Variants in DPYD observed in about 807,000 individuals in gnomAD.
DPYD encodes dihydropyrimidine dehydrogenase, also known as dihydropyrimidine dehydrogenase [NADP(+)].
DPYD carries 109 observed loss-of-function variants against 116.2 expected under a neutral mutation model. That is an observed-to-expected ratio of 0.94 (90% confidence interval 0.80 to 1.10). The LOEUF is 1.10. Among genes scored for constraint, DPYD ranks in the 50% least tolerant of loss-of-function variants. The probability of loss-of-function intolerance (pLI) is 0.00; values close to 1 mark genes in which losing one functional copy is unlikely to be tolerated. For missense variants in DPYD, 1,302 were observed against 1,254.5 expected (o/e 1.04, Z -0.57); for synonymous variants, 440 against 432.0 (o/e 1.02, Z -0.23).
chr1:97,752,311 C>T (rs1230856833), intron 3 of DPYD, among the ~76,000 whole-genome samples: 1 of 151,824 alleles, frequency 6.6e-6, no homozygotes, highest in East Asian at 1.9e-4. Context: ...CACACACACA[C>T]ACACACACAC....
chr1:97,570,955 G>T (rs368032240), intron 11 of DPYD, among the ~76,000 whole-genome samples: 1 of 151,836 alleles, frequency 6.6e-6, no homozygotes, highest in Non-Finnish European at 1.5e-5. Flanking sequence ...GGTCTTCTGC[G>T]AAATGGGGAG....
intron 14 of DPYD, among the ~76,000 whole-genome samples, chr1:97,412,312 C>A (rs1042731926): frequency 6.6e-6 from 1 of 152,124 alleles, no homozygotes; most frequent in Non-Finnish European, 1.5e-5. Context: ...GCCTTTTTCT[C>A]ATTGTTCATA....
intron 3 of DPYD, among the ~76,000 whole-genome samples, chr1:97,755,816 T>A (rs1665195474): frequency 6.6e-6 from 1 of 152,134 alleles, no homozygotes; most frequent in Non-Finnish European, 1.5e-5. Context: ...ATAGGGAGGA[T>A]TAAATAAATA....
intron 20 of DPYD, among the ~76,000 whole-genome samples, chr1:97,140,480 C>G (rs1654131165): frequency 6.6e-6 from 1 of 152,064 alleles, no homozygotes; most frequent in Non-Finnish European, 1.5e-5. Context: ...ACAGAGGTAT[C>G]CTTTAAGAAA....
chr1:97,095,442 G>C (rs916601697), intron 21 of DPYD, among the ~76,000 whole-genome samples: 4 of 151,934 alleles, frequency 2.6e-5, no homozygotes, highest in Admixed American at 1.3e-4. Flanking sequence ...TGATACTTTA[G>C]AGCCAAACAA....
chr1:97,623,231 TC>T (rs142805626), intron 8 of DPYD, among the ~76,000 whole-genome samples: 1 of 151,688 alleles, frequency 6.6e-6, no homozygotes, highest in African/African-American at 2.4e-5. Flanking sequence ...CTGAGGGGTG[TC>T]CCCCACAAAA....
chr1:97,612,863 T>G (rs944985353), intron 8 of DPYD, among the ~76,000 whole-genome samples: 3 of 152,018 alleles, frequency 2.0e-5, no homozygotes, highest in African/African-American at 7.2e-5. Flanking sequence ...GAGCATGTGC[T>G]TCTCTGAAAT....
chr1:97,736,259 G>A (rs1237014448), intron 4 of DPYD, among the ~76,000 whole-genome samples: 1 of 151,720 alleles, frequency 6.6e-6, no homozygotes, highest in Admixed American at 6.6e-5. Context: ...ATGATAAAAG[G>A]CCCCAAAATG....
At chr1:97,824,268 C>A (rs1335782112) in intron 3 of DPYD, among the ~76,000 whole-genome samples, 1 of 151,992 alleles carries the variant, frequency 6.6e-6, no homozygotes, top group Non-Finnish European at 1.5e-5. Context: ...ATGGATCTAC[C>A]TTTTACTATT....
intron 11 of DPYD, among the ~76,000 whole-genome samples, chr1:97,569,318 A>G (rs1652738975): frequency 6.6e-6 from 1 of 151,660 alleles, no homozygotes; most frequent in Admixed American, 6.6e-5. Flanking sequence ...AACAAACAAG[A>G]AGAAACACAA....
intron 20 of DPYD, among the ~76,000 whole-genome samples, chr1:97,156,537 C>A (rs4309030): frequency 0.18 from 27,143 of 152,054 alleles, 2,473 homozygotes; most frequent in East Asian, 0.29. Flanking sequence ...CACTGGCCAT[C>A]GGAGAAATGC....
At chr1:97,666,464 T>C (rs1659563464) in intron 8 of DPYD, among the ~76,000 whole-genome samples, 1 of 152,172 alleles carries the variant, frequency 6.6e-6, no homozygotes, top group Non-Finnish European at 1.5e-5. Flanking sequence ...TGGCCCCTTC[T>C]GTGTTTTAAT....
At chr1:97,645,568 TTC>T (rs1472566620) in intron 8 of DPYD, among the ~76,000 whole-genome samples, 1 of 152,110 alleles carries the variant, frequency 6.6e-6, no homozygotes, top group Non-Finnish European at 1.5e-5. Context: ...TTGTGTCTGT[TTC>T]TGTTTTTTTA....
At chr1:97,732,458 A>G (rs368134790) in intron 4 of DPYD, among the ~76,000 whole-genome samples, 6 of 149,516 alleles carry the variant, frequency 4.0e-5, no homozygotes, top group African/African-American at 1.5e-4. Context: ...CTGGCAACAG[A>G]GCAAGACTCC....
chr1:97,497,387 T>C (rs998922778), intron 13 of DPYD, among the ~76,000 whole-genome samples: 1 of 151,876 alleles, frequency 6.6e-6, no homozygotes, highest in Non-Finnish European at 1.5e-5. Flanking sequence ...ACTCCAAAAC[T>C]CTATTTTTAG....
At chr1:97,645,453 TAC>T (rs1324789601) in intron 8 of DPYD, among the ~76,000 whole-genome samples, 2 of 152,152 alleles carry the variant, frequency 1.3e-5, no homozygotes, top group Non-Finnish European at 2.9e-5. Context: ...CCAACTCCAT[TAC>T]AGAGGATATC....
intron 8 of DPYD, among the ~76,000 whole-genome samples, chr1:97,668,023 G>A (rs1334490366): frequency 1.3e-5 from 2 of 152,020 alleles, no homozygotes; most frequent in Non-Finnish European, 2.9e-5. Context: ...TCATAGATTT[G>A]TTGCTTAATA....
chr1:97,280,082 C>T (rs1665212673), intron 18 of DPYD: 1 of 152,158 alleles, frequency 6.6e-6, no homozygotes, highest in African/African-American at 2.4e-5. Context: ...CACTCAATCT[C>T]CTCTGCAATA....
chr1:97,856,246 T>A (rs1391669894), intron 2 of DPYD: 1 of 152,180 alleles, frequency 6.6e-6, no homozygotes, highest in Non-Finnish European at 1.5e-5. Context: ...TTTCAAGTCC[T>A]TCTTGAACTG....
Sources: allele counts gnomAD v4.1 joint callset (sites outside exome capture counted in the v4.1 genomes callset), GRCh38; gene constraint gnomAD v4.1.1; transcripts MANE v1.5; gene names NCBI Gene and HGNC (gene_info 2026-07-23, HGNC 2026-07-21).